The following BMERB1 variants were observed in gnomAD, a reference collection of about 807,000 sequenced individuals.
BMERB1 encodes bMERB domain containing 1, also known as bMERB domain-containing protein 1.
Under a neutral mutation model 23.6 loss-of-function variants are expected in BMERB1, and 12 were observed. The observed-to-expected ratio is 0.51, with a 90% CI of 0.33 to 0.82. BMERB1 has a LOEUF of 0.82. Among genes scored for constraint, BMERB1 ranks in the 40% least tolerant of loss-of-function variants. The pLI, the probability that BMERB1 is intolerant of heterozygous loss-of-function variation, is 0.03. For missense variants in BMERB1, 247 were observed against 255.4 expected, an observed-to-expected ratio of 0.97 and a Z score of 0.22; for synonymous variants, 122 against 96.6, an observed-to-expected ratio of 1.26 and a Z score of -1.54.
At chr16:15,442,893 CAG>C (rs2050953148) in intron 1 of BMERB1, among the ~76,000 whole-genome samples, 1 of 152,106 alleles carries the variant, frequency 6.6e-6, no homozygotes, top group African/African-American at 2.4e-5. Context: ...TGGAATAAGA[CAG>C]AATCCCAGCC....
intron 2 of BMERB1, among the ~76,000 whole-genome samples, chr16:15,563,368 T>C (rs2100542): frequency 0.078 from 11,868 of 152,058 alleles, 497 homozygotes; most frequent in African/African-American, 0.1. Context: ...TACAGGTGCC[T>C]ACCACCACGC....
At chr16:15,525,807 A>T (rs1443433271) in intron 2 of BMERB1, among the ~76,000 whole-genome samples, 1 of 152,200 alleles carries the variant, frequency 6.6e-6, no homozygotes, top group Non-Finnish European at 1.5e-5. Flanking sequence ...TGACTGATAG[A>T]GCCCTTTTTA....
At chr16:15,521,710 T>C (rs116055608) in intron 2 of BMERB1, among the ~76,000 whole-genome samples, 2,167 of 152,312 alleles carry the variant, frequency 0.014, 59 homozygotes, top group African/African-American at 0.051. Flanking sequence ...GATCTCTTTC[T>C]TGAGGCTTGG....
chr16:15,490,392 C>G (rs2051409595), intron 1 of BMERB1, among the ~76,000 whole-genome samples: 1 of 152,144 alleles, frequency 6.6e-6, no homozygotes, highest in Non-Finnish European at 1.5e-5. Context: ...AAGTGATCCT[C>G]CTGCCTCAAC....
Position 15,472,035 on chromosome 16 carries a change from A to G in BMERB1, c.106+37276A>G, listed in dbSNP as rs2150932031. Among the ~76,000 whole-genome samples the G allele has an allele frequency of 2.0e-5, 3 of 152,298 alleles. No individual in the cohort carries two copies. The South Asian group carries it at 6.2e-4, about 32-fold the overall frequency. Reference sequence around the variant, plus strand: ...TTTGACCTAGAGATTATTTAGAAGTATGTTGTTTAATTTCCAAGTGTCAGG... The same window carrying G: ...TTTGACCTAGAGATTATTTAGAAGTGTGTTGTTTAATTTCCAAGTGTCAGG... On this transcript the variant is annotated intron_variant, in intron 1 of 5. Transcript: ENST00000300006.
intron 2 of BMERB1, among the ~76,000 whole-genome samples, chr16:15,541,897 C>T (rs954192831): frequency 9.1e-5 from 13 of 143,172 alleles, no homozygotes; most frequent in South Asian, 2.2e-4. Context: ...CCACCATACC[C>T]GGCCTAAATT....
At chr16:15,584,210 A>T (rs1334844070) in intron 5 of BMERB1, 1 of 583,664 alleles carries the variant, frequency 1.7e-6, no homozygotes, top group Admixed American at 2.9e-5. Flanking sequence ...TTGTTGACCC[A>T]GCGTTTCTCA....
chr16:15,555,746 T>C (rs1048412336), intron 2 of BMERB1, among the ~76,000 whole-genome samples: 3 of 152,190 alleles, frequency 2.0e-5, no homozygotes, highest in Non-Finnish European at 4.4e-5. Flanking sequence ...TGCTGAGAAA[T>C]TGCTGAGGCC....
chr16:15,584,937 T>C (rs2150978886), intron 5 of BMERB1, among the ~76,000 whole-genome samples: 1 of 152,266 alleles, frequency 6.6e-6, no homozygotes, highest in African/African-American at 2.4e-5. Context: ...GGTACTGGGA[T>C]TGGCCAGGAA....
At chr16:15,450,931 T>C (rs1292848283) in intron 1 of BMERB1, among the ~76,000 whole-genome samples, 2 of 152,156 alleles carry the variant, frequency 1.3e-5, no homozygotes, top group East Asian at 3.9e-4. Context: ...CCACGTTCCA[T>C]CATATCGATG....
chr16:15,537,151 A>G (rs890730560), intron 2 of BMERB1, among the ~76,000 whole-genome samples: 1 of 152,150 alleles, frequency 6.6e-6, no homozygotes, highest in Non-Finnish European at 1.5e-5. Flanking sequence ...ACCTGGGGCT[A>G]TATTTATCAA....
chr16:15,440,415 G>T (rs1180364087), intron 1 of BMERB1, among the ~76,000 whole-genome samples: 3 of 152,102 alleles, frequency 2.0e-5, no homozygotes, highest in Admixed American at 2.0e-4. Flanking sequence ...CTAACAAGCA[G>T]ATCGTAAAAC....
chr16:15,537,159 CAAG>C (rs1202714458), intron 2 of BMERB1, among the ~76,000 whole-genome samples: 1 of 152,126 alleles, frequency 6.6e-6, no homozygotes, highest in African/African-American at 2.4e-5. Context: ...CTATATTTAT[CAAG>C]AAAATTATAA....
At chr16:15,510,391 A>G (rs963106150) in intron 1 of BMERB1, among the ~76,000 whole-genome samples, 1 of 152,190 alleles carries the variant, frequency 6.6e-6, no homozygotes, top group Non-Finnish European at 1.5e-5. Context: ...TGCGAAAATG[A>G]GAACCTACTG....
intron 2 of BMERB1, among the ~76,000 whole-genome samples, chr16:15,524,912 C>G (rs9937052): frequency 0.079 from 12,091 of 152,232 alleles, 1,560 homozygotes; most frequent in African/African-American, 0.27. Flanking sequence ...TTACATTCTG[C>G]TCAGAGGACC....
At chr16:15,450,893 T>C (rs938921545) in intron 1 of BMERB1, among the ~76,000 whole-genome samples, 3 of 152,134 alleles carry the variant, frequency 2.0e-5, no homozygotes, top group Admixed American at 2.0e-4. Flanking sequence ...TGCTGCTGCA[T>C]TGCCCAAGAG....
intron 2 of BMERB1, among the ~76,000 whole-genome samples, chr16:15,520,026 C>T (rs2051830393): frequency 6.6e-6 from 1 of 152,094 alleles, no homozygotes; most frequent in Admixed American, 6.5e-5. Flanking sequence ...TGATATGCCA[C>T]CCTGAGTGCT....
At chr16:15,450,726 C>T (rs1255660307) in intron 1 of BMERB1, among the ~76,000 whole-genome samples, 1 of 152,176 alleles carries the variant, frequency 6.6e-6, no homozygotes, top group Non-Finnish European at 1.5e-5. Flanking sequence ...CTGCCTCAGC[C>T]TCCCAAAGTG....
chr16:15,541,904 AAT>A (rs200379603), intron 2 of BMERB1, among the ~76,000 whole-genome samples: 32 of 96,114 alleles, frequency 3.3e-4, no homozygotes, highest in Admixed American at 6.0e-4. Context: ...ACCCGGCCTA[AAT>A]TTTTTTTTTT....
Sources: gnomAD v4.1 joint callset for allele counts (sites outside exome capture counted in the v4.1 genomes callset) on GRCh38, gnomAD v4.1.1 for gene constraint, MANE v1.5 for transcripts, NCBI Gene and HGNC (gene_info 2026-07-23, HGNC 2026-07-21) for gene names.